Variants in HEATR6 observed in about 807,000 individuals in gnomAD.
The protein encoded by HEATR6 is HEAT repeat containing 6, also known as HEAT repeat-containing protein 6.
A neutral mutation model predicts 132.8 loss-of-function variants in HEATR6; 106 were observed. That is an observed-to-expected ratio of 0.80 (90% CI 0.68 to 0.94). The LOEUF (loss-of-function observed/expected upper bound fraction) is 0.94, where lower values mean the gene tolerates loss of function less well. Ranked by LOEUF, HEATR6 falls within the 40% of genes least tolerant of loss-of-function variation. The pLI is 0.00. For synonymous variants in HEATR6, 529 were observed against 537.8 expected, an observed-to-expected ratio of 0.98 and a Z score of 0.23; for missense variants, 1,339 against 1,425.1, an observed-to-expected ratio of 0.94 and a Z score of 0.97.
In HEATR6 at chr17:60,043,551, A is replaced by G; in HGVS notation, c.*12T>C. On this transcript the variant is annotated 3_prime_UTR_variant, in exon 20 of 20. Transcript: ENST00000184956. ...CTGCCGCCTTCGACATCTAGAAAGTATGGTGGGATCTTCACTGATTTGTTA... is the reference window on the plus strand; with the variant it reads ...CTGCCGCCTTCGACATCTAGAAAGTGTGGTGGGATCTTCACTGATTTGTTA... 1 of 1,596,086 alleles carries G rather than the reference A, an allele frequency of 6.3e-7. No homozygotes were observed. Among genetic ancestry groups the G allele is most frequent in the Non-Finnish European group, 8.6e-7 (1 of 1,167,186 alleles).
chr17:60,072,182 C>T (rs910039312), intron 5 of HEATR6, 33 bp downstream of exon 5: 24 of 1,168,550 alleles, frequency 2.1e-5, no homozygotes, highest in Non-Finnish European at 2.9e-5. Context: ...GACACATCCG[C>T]AACATTCACT....
intron 9 of HEATR6, among the ~76,000 whole-genome samples, chr17:60,061,509 T>A (rs1457285293): frequency 1.3e-5 from 2 of 152,222 alleles, no homozygotes; most frequent in African/African-American, 4.8e-5. Flanking sequence ...CAAACTTTTC[T>A]GTAAAGAGCC....
intron 19 of HEATR6, among the ~76,000 whole-genome samples, chr17:60,044,636 T>A (rs1428775072): frequency 6.6e-6 from 1 of 152,198 alleles, no homozygotes; most frequent in Non-Finnish European, 1.5e-5. Context: ...ATTTCAAGAA[T>A]AAGATGCCCA....
intron 19 of HEATR6, among the ~76,000 whole-genome samples, chr17:60,045,664 T>A (rs757590459): frequency 1.9e-4 from 29 of 152,210 alleles, no homozygotes; most frequent in Non-Finnish European, 3.4e-4. Flanking sequence ...ATCCTACCCA[T>A]CCAGAGGCAA....
At position 60,057,434 on chromosome 17, in the gene HEATR6, C is replaced by T. The variant is rs776274204; in HGVS notation, c.1724-31G>A. On this transcript the variant is annotated intron_variant, in intron 11 of 19. Transcript: ENST00000184956. ...AAAGGAAGCAGTAAGAACTTATCATCATGGCAACAACTACTGTAAAGATGG... is the reference window on the plus strand; with the variant it reads ...AAAGGAAGCAGTAAGAACTTATCATTATGGCAACAACTACTGTAAAGATGG... 7 of 1,395,906 alleles carry T rather than the reference C, an allele frequency of 5.0e-6. No individual in the cohort carries two copies. The East Asian group carries it at 6.9e-5, about 14-fold the overall frequency. 86.5% of individuals were successfully genotyped at this position (1,395,906 alleles called of 1,614,324 possible).
chr17:60,067,557 T>C lies in HEATR6; in HGVS notation c.1115A>G (p.Asp372Gly). ...ATCTTTTTCTGCAGCTCCACTTCCATCTAAAGGCAAACTCTGGACACCCAG... is the reference window on the plus strand; with the variant it reads ...ATCTTTTTCTGCAGCTCCACTTCCACCTAAAGGCAAACTCTGGACACCCAG... ...SSLGVQSLPL[D>G]GSGAAEKDGV... The change falls in exon 8 of 20, where the codon GAT becomes GGT. Residue 372 changes from aspartate (D) to glycine (G), a missense_variant. Asp to Gly is a moderately conservative substitution (Grantham distance 94). Transcript: ENST00000184956. The C allele has an allele frequency of 1.2e-6, 2 of 1,613,662 alleles. No homozygotes were observed. The highest frequency in any genetic ancestry group is 8.5e-7 in the Non-Finnish European group (1 of 1,179,830).
At chr17:60,074,972 G>A in intron 2 of HEATR6, among the ~76,000 whole-genome samples, 1 of 152,224 alleles carries the variant, frequency 6.6e-6, no homozygotes, top group East Asian at 1.9e-4. Flanking sequence ...TGATTCTAAT[G>A]TGTAGTGAAG....
intron 6 of HEATR6, among the ~76,000 whole-genome samples, chr17:60,070,467 C>T (rs560236697): frequency 2.6e-5 from 4 of 152,248 alleles, no homozygotes; most frequent in African/African-American, 7.2e-5. Flanking sequence ...ACTCCCCTAC[C>T]GATTCCCTTC....
At chr17:60,078,443 C>G (rs1478752172) in intron 1 of HEATR6, among the ~76,000 whole-genome samples, 1 of 150,438 alleles carries the variant, frequency 6.6e-6, no homozygotes, top group Non-Finnish European at 1.5e-5. Flanking sequence ...AAGTTGGTAT[C>G]AGAGAGGAAA....
rs60109778 is a variant in HEATR6, at chr17:60,064,305, TCAAA to T, written c.1416+1900_1416+1903del. The T allele has an allele frequency of 1.1e-3, 179 of 164,274 alleles. 1 individual carries two copies. The highest frequency in any genetic ancestry group is 6.9e-3 in the East Asian group (39 of 5,684). 10.2% of individuals were successfully genotyped at this position (164,274 alleles called of 1,614,324 possible). A position where few individuals can be genotyped will look rare whatever the true frequency, so the allele number is the denominator to read the frequency against. On this transcript the variant is annotated intron_variant, in intron 9 of 19. Transcript: ENST00000184956. ...TGGGCAACAAGAGCAAAACTCTGTCTCAAACAAACAAACAAACAAACAAACAAAA... is the reference window on the plus strand; with the variant it reads ...TGGGCAACAAGAGCAAAACTCTGTCTCAAACAAACAAACAAACAAACAAAA...
At chr17:60,054,229 A>C (rs1207539497) in intron 14 of HEATR6, among the ~76,000 whole-genome samples, 1 of 152,250 alleles carries the variant, frequency 6.6e-6, no homozygotes, top group Non-Finnish European at 1.5e-5. Context: ...AAGCCTTAGC[A>C]GTTTCCATGT....
At position 60,044,110 on chromosome 17, in the gene HEATR6, G is replaced by A; in HGVS notation, c.2999C>T (p.Ala1000Val). 6.2e-7 allele frequency: 1 copy of A among 1,612,082 alleles called. No individual in the cohort carries two copies. Among genetic ancestry groups the A allele is most frequent in the Non-Finnish European group, 8.5e-7 (1 of 1,178,908 alleles). ...PLGTAPWTSQAYNALTSVVTS... is the reference protein window; with the variant it reads ...PLGTAPWTSQVYNALTSVVTS... ...CACGACCGATGTCAGGGCATTGTAG[G>A]CCTGGGAGGTCCATGGGGCTGTCCC... Residue 1000 changes from alanine to valine, a missense_variant, in exon 20 of 20, where the codon GCC becomes GTC. Coordinates refer to ENST00000184956, the MANE Select transcript of HEATR6 (RefSeq NM_022070.5).
At chr17:60,049,122 A>AGT (rs531092208) in intron 16 of HEATR6, among the ~76,000 whole-genome samples, 5,096 of 134,732 alleles carry the variant, frequency 0.038, 133 homozygotes, top group East Asian at 0.11. Context: ...AGAGACAGAG[A>AGT]GTGTGTGTGT....
Position 60,048,246 on chromosome 17 carries a change from G to A in HEATR6, c.2672+18C>T, listed in dbSNP as rs1337159417. The A allele has an allele frequency of 1.2e-6, 2 of 1,604,522 alleles. No individual in the cohort carries two copies. Among genetic ancestry groups the A allele is most frequent in the Non-Finnish European group, 1.7e-6 (2 of 1,173,734 alleles). On this transcript the variant is annotated intron_variant, in intron 17 of 19. Transcript: ENST00000184956. ...CAATCTCAGAAGTCAGCTGGGGAAA[G>A]CAAGCTCAGTCACCTACATGTTGAC...
intron 15 of HEATR6, among the ~76,000 whole-genome samples, chr17:60,050,049 T>G (rs1906527015): frequency 6.6e-6 from 1 of 152,174 alleles, no homozygotes; most frequent in African/African-American, 2.4e-5. Flanking sequence ...GTATTCTGAA[T>G]GCTTATGCTC....
rs1172924320 is a variant in HEATR6 at position 60,041,790 on chromosome 17, G to A, written c.*1773C>T. On this transcript the variant is annotated 3_prime_UTR_variant, in exon 20 of 20. Coordinates refer to ENST00000184956, the MANE Select transcript of HEATR6 (RefSeq NM_022070.5). ...AGGAAAACAGCAGCTAAAAGGCAAA[G>A]GAGAAAAATGGAAGACACCTGCCTT... Among the ~76,000 whole-genome samples, 4 of 152,116 alleles carry A rather than the reference G, an allele frequency of 2.6e-5. No homozygotes were observed. The highest frequency in any genetic ancestry group is 9.7e-5 in the African/African-American group (4 of 41,438).
chr17:60,073,631 G>A (rs1055351520), intron 3 of HEATR6, 115 bp downstream of exon 3: 21 of 966,082 alleles, frequency 2.2e-5, no homozygotes, highest in Non-Finnish European at 3.1e-5. Context: ...AAGGCCCAGA[G>A]TGGTTGAATA....
Position 60,078,909 on chromosome 17 carries a change from A to T in HEATR6, c.6T>A (p.Ala2=), listed in dbSNP as rs2083311155. ...GCCACGAACCGACAACTTGCACAGC[A>T]GCCATCTTTTCTACGGGCGGGGGGG... M[A]AVQVVGSWPS... is the part of the protein sequence containing the mutation. The change falls in exon 1 of 20, where the codon GCT becomes GCA. Residue 2 remains alanine (A), a synonymous_variant. Transcript: ENST00000184956. 4.0e-6 allele frequency: 3 copies of T among 759,490 alleles called. No individual in the cohort carries two copies. Among genetic ancestry groups the T allele is most frequent in the East Asian group, 1.5e-4 (2 of 13,328 alleles). 47.0% of individuals were successfully genotyped at this position (759,490 alleles called of 1,614,324 possible). A position where few individuals can be genotyped will look rare whatever the true frequency, so the allele number is the denominator to read the frequency against.
Position 60,057,276 on chromosome 17 carries a change from T to C in HEATR6, c.1851A>G (p.Ala617=). The change falls in exon 12 of 20, where the codon GCA becomes GCG. Residue 617 remains alanine, a synonymous_variant. Coordinates refer to ENST00000184956, the MANE Select transcript of HEATR6 (RefSeq NM_022070.5). ...CSSGLGNSNS[A]TPHLSPPDWW... ...AATCAGGAGGGCTGAGGTGAGGGGTTGCTGAATTGCTATTACCGAGTCCAG... is the reference window on the plus strand; with the variant it reads ...AATCAGGAGGGCTGAGGTGAGGGGTCGCTGAATTGCTATTACCGAGTCCAG... 6.2e-7 allele frequency: 1 copy of C among 1,614,164 alleles called. No homozygotes were observed. The highest frequency in any genetic ancestry group is 1.1e-5 in the South Asian group (1 of 91,082).
Sources: gnomAD v4.1 joint callset for allele counts (sites outside exome capture counted in the v4.1 genomes callset) on GRCh38, gnomAD v4.1.1 for gene constraint, MANE v1.5 for transcripts, NCBI Gene and HGNC (gene_info 2026-07-23, HGNC 2026-07-21) for gene names.